The following AGBL4 variants were observed in gnomAD, a reference collection of about 807,000 sequenced individuals.
AGBL4 encodes AGBL carboxypeptidase 4, also known as cytosolic carboxypeptidase 6.
Under a neutral mutation model 66.4 loss-of-function variants are expected in AGBL4, and 58 were observed. The ratio of observed to expected loss-of-function variants is 0.87; its 90% CI spans 0.71 to 1.09. The LOEUF (loss-of-function observed/expected upper bound fraction) is 1.09. Among genes scored for constraint, AGBL4 ranks in the 50% least tolerant of loss-of-function variants. The pLI is 0.00. For synonymous variants in AGBL4, 234 were observed against 222.9 expected, an observed-to-expected ratio of 1.05 and a Z score of -0.44; for missense variants, 579 against 631.0, an observed-to-expected ratio of 0.92 and a Z score of 0.88.
intron 3 of AGBL4, among the ~76,000 whole-genome samples, chr1:49,412,902 C>T (rs1570655973): frequency 6.6e-6 from 1 of 151,970 alleles, no homozygotes; most frequent in Non-Finnish European, 1.5e-5. Flanking sequence ...TGGAATATTA[C>T]CAGGCAAGAT....
At chr1:49,030,485 T>G (rs1664120456) in intron 5 of AGBL4, among the ~76,000 whole-genome samples, 1 of 152,014 alleles carries the variant, frequency 6.6e-6, no homozygotes, top group South Asian at 2.1e-4. Flanking sequence ...AGGAACCAGG[T>G]CACAGAGCAG....
At chr1:49,948,306 A>G (rs1655645398) in intron 1 of AGBL4, among the ~76,000 whole-genome samples, 1 of 110,660 alleles carries the variant, frequency 9.0e-6, no homozygotes, top group Admixed American at 1.2e-4. Flanking sequence ...AAATATATAT[A>G]AATATATATA....
In AGBL4 at chr1:48,621,349, A is replaced by G. The variant is rs1350625319; in HGVS notation, c.951+13144T>C. ...GTTGGGCTGGATTCAAGAGGCTTTTATCCTATGGACTGACCTAGAACCAGG... is the reference window on the plus strand; with the variant it reads ...GTTGGGCTGGATTCAAGAGGCTTTTGTCCTATGGACTGACCTAGAACCAGG... On this transcript the variant is annotated intron_variant, in intron 9 of 13. Coordinates refer to ENST00000371839, the MANE Select transcript of AGBL4 (RefSeq NM_032785.4). Among the ~76,000 whole-genome samples the G allele has an allele frequency of 2.6e-5, 4 of 152,156 alleles. No homozygotes were observed. The South Asian group carries it at 6.2e-4, about 24-fold the overall frequency.
At chr1:49,738,967 G>C (rs890579753) in intron 2 of AGBL4, among the ~76,000 whole-genome samples, 1 of 152,184 alleles carries the variant, frequency 6.6e-6, no homozygotes, top group African/African-American at 2.4e-5. Flanking sequence ...AAACAGAGCA[G>C]AAAAACTAAA....
chr1:49,173,496 G>T (rs748479999), intron 4 of AGBL4, among the ~76,000 whole-genome samples: 2 of 152,128 alleles, frequency 1.3e-5, no homozygotes, highest in Non-Finnish European at 2.9e-5. Flanking sequence ...TATATTTATT[G>T]TATTAGTCAT....
intron 3 of AGBL4, among the ~76,000 whole-genome samples, chr1:49,493,389 A>C (rs776180558): frequency 1.3e-5 from 2 of 152,030 alleles, no homozygotes; most frequent in Non-Finnish European, 2.9e-5. Flanking sequence ...TATATACATT[A>C]ATGTTCACTG....
At chr1:49,432,302 C>G (rs1258457589) in intron 3 of AGBL4, among the ~76,000 whole-genome samples, 2 of 152,272 alleles carry the variant, frequency 1.3e-5, no homozygotes, top group Non-Finnish European at 2.9e-5. Flanking sequence ...TATATAAGCT[C>G]TGGAAAACTT....
At chr1:49,083,098 G>T (rs575363701) in intron 4 of AGBL4, among the ~76,000 whole-genome samples, 2 of 152,290 alleles carry the variant, frequency 1.3e-5, no homozygotes, top group South Asian at 4.1e-4. Flanking sequence ...GCTTTGTAGT[G>T]TACAGCCACC....
Position 49,977,452 on chromosome 1 carries a change from A to C in AGBL4, c.34+46311T>G, listed in dbSNP as rs546943693. 2.8e-4 allele frequency among the ~76,000 whole-genome samples: 43 copies of C among 152,362 alleles called. 2 individuals are homozygous for C. In the South Asian group the frequency reaches 8.3e-3, roughly 29 times the overall value. ...TAATAAACTTTCATGCTATGTCTAA[A>C]AGTTGGTTATCAATCAATCAACACC... On this transcript the variant is annotated intron_variant, in intron 1 of 13. Transcript: ENST00000371839.
chr1:49,091,727 C>T (rs867720482), intron 4 of AGBL4, among the ~76,000 whole-genome samples: 3 of 152,158 alleles, frequency 2.0e-5, no homozygotes, highest in South Asian at 2.1e-4. Flanking sequence ...AACACATGCA[C>T]GCATATGTTT....
At chr1:49,735,692 G>T (rs1043475174) in intron 2 of AGBL4, among the ~76,000 whole-genome samples, 2 of 152,086 alleles carry the variant, frequency 1.3e-5, no homozygotes, top group East Asian at 3.9e-4. Context: ...AAATACACAG[G>T]AGACTATCAT....
intron 6 of AGBL4, among the ~76,000 whole-genome samples, chr1:48,767,831 A>G (rs1026462288): frequency 2.0e-5 from 3 of 152,210 alleles, no homozygotes; most frequent in Non-Finnish European, 2.9e-5. Flanking sequence ...GGAAACCACC[A>G]AAGATTTGGG....
chr1:49,557,672 G>A (rs975110827), intron 3 of AGBL4, among the ~76,000 whole-genome samples: 1 of 151,956 alleles, frequency 6.6e-6, no homozygotes, highest in Admixed American at 6.6e-5. Context: ...AAGTGGTCTG[G>A]GTCTCTAAGT....
intron 1 of AGBL4, among the ~76,000 whole-genome samples, chr1:49,970,049 C>G (rs1571982450): frequency 6.6e-6 from 1 of 152,018 alleles, no homozygotes. Flanking sequence ...TATCCACATG[C>G]AAAAGAATGA....
intron 6 of AGBL4, among the ~76,000 whole-genome samples, chr1:48,742,404 T>TA (rs1005157129): frequency 6.7e-5 from 7 of 103,750 alleles, no homozygotes; most frequent in Non-Finnish European, 1.4e-4. Context: ...CAATATTTTT[T>TA]AAAAAAAGAA....
intron 3 of AGBL4, among the ~76,000 whole-genome samples, chr1:49,594,358 T>C (rs1464842468): frequency 2.0e-5 from 3 of 152,214 alleles, no homozygotes; most frequent in African/African-American, 7.2e-5. Flanking sequence ...AATCTTTTTC[T>C]TTTAAACTTT....
intron 5 of AGBL4, among the ~76,000 whole-genome samples, chr1:48,941,354 T>A (rs771807916): frequency 6.6e-6 from 1 of 152,182 alleles, no homozygotes; most frequent in Non-Finnish European, 1.5e-5. Flanking sequence ...GGGAGTTAAT[T>A]TCTGGCACTG....
chr1:48,919,011 G>C (rs1162629542), intron 5 of AGBL4, among the ~76,000 whole-genome samples: 16 of 152,192 alleles, frequency 1.1e-4, no homozygotes, highest in Admixed American at 1.0e-3. Context: ...GAGCTGAGCA[G>C]TCTCCATAAT....
chr1:49,113,339 G>A (rs561904939), intron 4 of AGBL4, among the ~76,000 whole-genome samples: 10 of 150,038 alleles, frequency 6.7e-5, no homozygotes, highest in Non-Finnish European at 1.3e-4. Context: ...CCACCTCCCA[G>A]GTTCAAGGGA....
Sources: gnomAD v4.1 joint callset for allele counts (sites outside exome capture counted in the v4.1 genomes callset) on GRCh38, gnomAD v4.1.1 for gene constraint, MANE v1.5 for transcripts, NCBI Gene and HGNC (gene_info 2026-07-23, HGNC 2026-07-21) for gene names.